Variants in ABLIM1 observed in about 807,000 individuals in gnomAD.
The protein encoded by ABLIM1 is actin binding LIM protein 1, also known as actin-binding LIM protein 1.
A neutral mutation model predicts 107.0 loss-of-function variants in ABLIM1; 40 were observed. That is an observed-to-expected ratio of 0.37 (90% CI 0.29 to 0.49). The LOEUF (loss-of-function observed/expected upper bound fraction) is 0.49. Among genes scored for constraint, ABLIM1 ranks in the 20% least tolerant of loss-of-function variants. The probability of loss-of-function intolerance (pLI) is 0.97; values close to 1 mark genes in which losing one functional copy is unlikely to be tolerated. For missense variants in ABLIM1, 857 were observed against 1,008.5 expected, an observed-to-expected ratio of 0.85 and a Z score of 2.04; for synonymous variants, 357 against 357.3, an observed-to-expected ratio of 1.00 and a Z score of 0.01.
intron 22 of ABLIM1, among the ~76,000 whole-genome samples, chr10:114,436,924 T>C (rs1186016572): frequency 6.6e-6 from 1 of 152,200 alleles, no homozygotes; most frequent in Non-Finnish European, 1.5e-5. Flanking sequence ...CAGGAAAAAG[T>C]AAGCATTCTT....
chr10:114,684,844 T>C (rs2141628043), exon 1 of ABLIM1: 1 of 514,500 alleles, frequency 1.9e-6, no homozygotes, highest in Middle Eastern at 9.9e-4. Flanking sequence ...TGCCTCCTCT[T>C]TTTCCTTAAT....
At chr10:114,607,901 T>G (rs189086784) in intron 1 of ABLIM1, among the ~76,000 whole-genome samples, 1 of 152,308 alleles carries the variant, frequency 6.6e-6, no homozygotes, top group Admixed American at 6.5e-5. Flanking sequence ...GAAATCTGAA[T>G]AGTGTGGACT....
At chr10:114,676,169 G>A (rs997357503) in intron 1 of ABLIM1, among the ~76,000 whole-genome samples, 1 of 152,132 alleles carries the variant, frequency 6.6e-6, no homozygotes, top group Admixed American at 6.6e-5. Flanking sequence ...AAACACAACT[G>A]GTATAACAAC....
intron 1 of ABLIM1, among the ~76,000 whole-genome samples, chr10:114,682,415 G>C (rs1359980490): frequency 6.6e-6 from 1 of 152,252 alleles, no homozygotes; most frequent in South Asian, 2.1e-4. Flanking sequence ...ACCAGCTACT[G>C]AGAATAATAA....
At chr10:114,779,043 A>C in the ABLIM1 span, 1 of 152,208 alleles carries the variant, frequency 6.6e-6, no homozygotes, top group African/African-American at 2.4e-5. Flanking sequence ...CCTCATCTTC[A>C]GGGCTGTTTG....
intron 3 of ABLIM1, among the ~76,000 whole-genome samples, chr10:114,572,998 T>C (rs1021316309): frequency 8.5e-5 from 13 of 152,180 alleles, no homozygotes; most frequent in African/African-American, 3.1e-4. Context: ...TCCAAGCTTA[T>C]TATTTTAGAC....
At chr10:114,494,544 C>G (rs117801231) in intron 6 of ABLIM1, among the ~76,000 whole-genome samples, 2,352 of 151,980 alleles carry the variant, frequency 0.015, 13 homozygotes, top group Admixed American at 0.025. Flanking sequence ...CAAAAGCAAA[C>G]CAAACCAAAC....
intron 6 of ABLIM1, among the ~76,000 whole-genome samples, chr10:114,531,370 G>A (rs556926133): frequency 4.1e-4 from 63 of 152,350 alleles, no homozygotes; most frequent in African/African-American, 1.4e-3. Flanking sequence ...GTAATAATAA[G>A]AGGATGGGAC....
chr10:114,761,307 C>T (rs1051034450), intron 1 of ABLIM1, among the ~76,000 whole-genome samples: 2 of 152,030 alleles, frequency 1.3e-5, no homozygotes, highest in African/African-American at 4.8e-5. Flanking sequence ...ATTGTCCCTC[C>T]GCCCACATTC....
chr10:114,569,821 C>G (rs2071385092), intron 4 of ABLIM1, among the ~76,000 whole-genome samples: 1 of 152,164 alleles, frequency 6.6e-6, no homozygotes, highest in African/African-American at 2.4e-5. Flanking sequence ...AGCTGTCATC[C>G]TACCCAAGCT....
intron 6 of ABLIM1, among the ~76,000 whole-genome samples, chr10:114,538,629 G>A (rs2066292483): frequency 6.6e-6 from 1 of 152,216 alleles, no homozygotes; most frequent in Non-Finnish European, 1.5e-5. Flanking sequence ...TGGGTGCGGT[G>A]ATGTGAGGAA....
the ABLIM1 span, among the ~76,000 whole-genome samples, chr10:114,798,819 C>T: frequency 7.2e-3 from 1,091 of 151,302 alleles, 6 homozygotes; most frequent in African/African-American, 0.025. Context: ...TTTTTTGAGA[C>T]GGAGTCTCGC....
chr10:114,501,581 C>T (rs949044462), intron 6 of ABLIM1, among the ~76,000 whole-genome samples: 1 of 152,164 alleles, frequency 6.6e-6, no homozygotes, highest in Admixed American at 6.5e-5. Flanking sequence ...ATTAAAATGG[C>T]CTAATCAAAA....
Position 114,571,316 on chromosome 10 carries a change from T to C in ABLIM1, c.654A>G (p.Lys218=). 1 of 1,614,220 alleles carries C rather than the reference T, an allele frequency of 6.2e-7. No individual in the cohort carries two copies. Among genetic ancestry groups the C allele is most frequent in the African/African-American group, 1.3e-5 (1 of 75,056 alleles). The change falls in exon 4 of 23, where the codon AAA becomes AAG. Residue 218 remains lysine, a synonymous_variant. Coordinates refer to ENST00000533213, the MANE Select transcript of ABLIM1 (RefSeq NM_002313.7). ...LCAQPMSSSP[K]ETTFSSNCAG... ...ACTTACTGCTGGAGAAGGTGGTTTCTTTCGGACTGGACGACATCGGCTGTG... is the reference window on the plus strand; with the variant it reads ...ACTTACTGCTGGAGAAGGTGGTTTCCTTCGGACTGGACGACATCGGCTGTG...
chr10:114,557,915 C>A (rs1707948486), intron 4 of ABLIM1, among the ~76,000 whole-genome samples: 1 of 150,806 alleles, frequency 6.6e-6, no homozygotes, highest in Non-Finnish European at 1.5e-5. Context: ...ACCCCTCATT[C>A]ATCATGATTG....
rs141462363 is a variant in ABLIM1 at position 114,584,135 on chromosome 10, A to AGAAAGAAAAG, written c.380-8537_380-8536insCTTTTCTTTC. The stretch of plus-strand genomic sequence containing the variant: ...TCTAAAGTAAAAGTCAAAATTAAGA[A>AGAAAGAAAAG]AAAAGAAAAGAAAAGAAAAGAAAAG... On this transcript the variant is annotated intron_variant, in intron 2 of 22. Transcript: ENST00000533213. Among the ~76,000 whole-genome samples the AGAAAGAAAAG allele has an allele frequency of 3.5e-3, 523 of 149,314 alleles. 1 individual carries two copies. The highest frequency in any genetic ancestry group is 5.3e-3 in the Non-Finnish European group (356 of 67,330).
At chr10:114,643,741 TA>T (rs1452601430) in intron 1 of ABLIM1, among the ~76,000 whole-genome samples, 1 of 152,024 alleles carries the variant, frequency 6.6e-6, no homozygotes, top group Non-Finnish European at 1.5e-5. Context: ...TATATCCAGC[TA>T]ATTTTTAAAT....
At chr10:114,476,584 C>A (rs145967107) in intron 8 of ABLIM1, among the ~76,000 whole-genome samples, 4,419 of 151,546 alleles carry the variant, frequency 0.029, 191 homozygotes, top group African/African-American at 0.098. Context: ...GCGGAGGGTG[C>A]AGTGAACCGA....
intron 1 of ABLIM1, among the ~76,000 whole-genome samples, chr10:114,652,760 T>A (rs1206802369): frequency 1.3e-5 from 2 of 152,216 alleles, no homozygotes; most frequent in Admixed American, 6.5e-5. Context: ...GCCCTAAATA[T>A]GTTCTTTCGT....
Sources: gnomAD v4.1 joint callset for allele counts (sites outside exome capture counted in the v4.1 genomes callset) on GRCh38, gnomAD v4.1.1 for gene constraint, MANE v1.5 for transcripts, NCBI Gene and HGNC (gene_info 2026-07-23, HGNC 2026-07-21) for gene names.